The following AGBL4 variants were observed in gnomAD, a reference collection of about 807,000 sequenced individuals.
AGBL4 encodes the protein cytosolic carboxypeptidase 6.
Under a neutral mutation model 66.4 loss-of-function variants are expected in AGBL4, and 58 were observed. The ratio of observed to expected loss-of-function variants is 0.87; its 90% confidence interval spans 0.71 to 1.09. AGBL4 has a LOEUF of 1.09. Ranked by LOEUF, AGBL4 falls within the 50% of genes least tolerant of loss-of-function variation. The pLI is 0.00. For missense variants in AGBL4, 579 were observed against 631.0 expected (o/e 0.92, Z 0.88); for synonymous variants, 234 against 222.9 (o/e 1.05, Z -0.44).
chr1:49,545,518 G>A (rs572913343), intron 3 of AGBL4, among the ~76,000 whole-genome samples: 1 of 152,248 alleles, frequency 6.6e-6, no homozygotes, highest in Non-Finnish European at 1.5e-5. Context: ...TGTTTAATCC[G>A]TTAATGTTGG....
At chr1:49,433,566 T>A (rs1645834776) in intron 3 of AGBL4, among the ~76,000 whole-genome samples, 1 of 152,138 alleles carries the variant, frequency 6.6e-6, no homozygotes, top group African/African-American at 2.4e-5. Flanking sequence ...AAGCAATAGA[T>A]AAATACCCAT....
intron 3 of AGBL4, among the ~76,000 whole-genome samples, chr1:49,360,048 G>T (rs371739834): frequency 1.3e-4 from 20 of 152,154 alleles, no homozygotes; most frequent in Admixed American, 1.2e-3. Context: ...AGGACTGGCC[G>T]ATATCAGTCA....
At chr1:49,247,658 T>C (rs1178466973) in intron 3 of AGBL4, among the ~76,000 whole-genome samples, 1 of 152,086 alleles carries the variant, frequency 6.6e-6, no homozygotes, top group African/African-American at 2.4e-5. Flanking sequence ...TTTCAGGTTC[T>C]AGATTATTGA....
intron 5 of AGBL4, among the ~76,000 whole-genome samples, chr1:48,946,749 T>G (rs1386656990): frequency 4.6e-5 from 7 of 152,276 alleles, no homozygotes; most frequent in Non-Finnish European, 1.0e-4. Flanking sequence ...ACTTACAAAC[T>G]GACGGTTACA....
chr1:49,808,704 G>A (rs924808370), intron 2 of AGBL4, among the ~76,000 whole-genome samples: 29 of 152,142 alleles, frequency 1.9e-4, no homozygotes, highest in Admixed American at 2.6e-4. Flanking sequence ...GAAAAAGCAC[G>A]TTGAATATAT....
intron 6 of AGBL4, among the ~76,000 whole-genome samples, chr1:48,720,476 C>T (rs995970208): frequency 1.1e-4 from 17 of 152,178 alleles, no homozygotes; most frequent in Non-Finnish European, 2.2e-4. Context: ...GGCTTAGATG[C>T]CAGTTCAGGC....
chr1:49,954,435 C>T (rs573862617), intron 1 of AGBL4, among the ~76,000 whole-genome samples: 1 of 151,976 alleles, frequency 6.6e-6, no homozygotes, highest in African/African-American at 2.4e-5. Flanking sequence ...TGTGGGTACC[C>T]GCTCCTCCCT....
chr1:48,773,429 G>A (rs1431479567), intron 6 of AGBL4, among the ~76,000 whole-genome samples: 2 of 152,092 alleles, frequency 1.3e-5, no homozygotes, highest in Non-Finnish European at 2.9e-5. Flanking sequence ...GACCCTCCAA[G>A]AGGGACAGCC....
chr1:49,371,226 T>TAG (rs1417228426), intron 3 of AGBL4, among the ~76,000 whole-genome samples: 10 of 130,166 alleles, frequency 7.7e-5, no homozygotes, highest in Non-Finnish European at 1.5e-4. Context: ...GATAGATAGA[T>TAG]ATATAGATAG....
chr1:49,874,537 C>CTTA (rs1477693433), intron 1 of AGBL4, among the ~76,000 whole-genome samples: 1 of 152,088 alleles, frequency 6.6e-6, no homozygotes, highest in African/African-American at 2.4e-5. Flanking sequence ...ATTAAGTCTA[C>CTTA]TTATTATATG....
chr1:49,988,911 T>C (rs551093728), intron 1 of AGBL4, among the ~76,000 whole-genome samples: 1 of 152,174 alleles, frequency 6.6e-6, no homozygotes, highest in Non-Finnish European at 1.5e-5. Flanking sequence ...CCATAGCACC[T>C]GAAATTCCCA....
chr1:49,121,216 T>TCA (rs1645646754), intron 4 of AGBL4, among the ~76,000 whole-genome samples: 1 of 152,174 alleles, frequency 6.6e-6, no homozygotes, highest in Admixed American at 6.5e-5. Flanking sequence ...TGTCAACTCA[T>TCA]CAAAGTCATT....
intron 3 of AGBL4, among the ~76,000 whole-genome samples, chr1:49,652,367 T>C (rs950677746): frequency 2.6e-4 from 39 of 152,292 alleles, no homozygotes; most frequent in Admixed American, 2.0e-3. Flanking sequence ...AAAGCTATTA[T>C]ACAAGAAGGA....
chr1:49,757,216 A>G (rs563776277), intron 2 of AGBL4, among the ~76,000 whole-genome samples: 18 of 152,268 alleles, frequency 1.2e-4, no homozygotes, highest in Admixed American at 1.2e-3. Context: ...CCCTTCTGCC[A>G]TGATTGTATA....
chr1:48,949,093 C>T (rs750021996), intron 5 of AGBL4, among the ~76,000 whole-genome samples: 14 of 152,116 alleles, frequency 9.2e-5, no homozygotes, highest in Non-Finnish European at 1.6e-4. Flanking sequence ...CTCTTGAAAC[C>T]CCTTGCCCAC....
intron 3 of AGBL4, among the ~76,000 whole-genome samples, chr1:49,408,448 A>C (rs562262328): frequency 6.6e-6 from 1 of 152,344 alleles, no homozygotes; most frequent in South Asian, 2.1e-4. Context: ...AGAAGGATGC[A>C]AAGTATTGTT....
intron 3 of AGBL4, among the ~76,000 whole-genome samples, chr1:49,300,151 T>C (rs556147473): frequency 6.6e-6 from 1 of 152,216 alleles, no homozygotes; most frequent in African/African-American, 2.4e-5. Flanking sequence ...CCAACCATCC[T>C]TTGGCAATTT....
At chr1:49,739,973 G>A (rs1490238914) in intron 2 of AGBL4, among the ~76,000 whole-genome samples, 1 of 152,108 alleles carries the variant, frequency 6.6e-6, no homozygotes, top group African/African-American at 2.4e-5. Context: ...GACCATTGAG[G>A]CTAGGAAGAA....
intron 3 of AGBL4, among the ~76,000 whole-genome samples, chr1:49,411,765 G>A (rs1645319961): frequency 1.3e-5 from 2 of 152,212 alleles, no homozygotes; most frequent in South Asian, 4.2e-4. Flanking sequence ...AGTTTGAGCA[G>A]GACACTGACA....
Sources: allele counts gnomAD v4.1 joint callset (sites outside exome capture counted in the v4.1 genomes callset), GRCh38; gene constraint gnomAD v4.1.1; transcripts MANE v1.5; gene names NCBI Gene and HGNC (gene_info 2026-07-23, HGNC 2026-07-21).